DCHS2: variants seen among roughly 807,000 people sequenced by gnomAD.
DCHS2 encodes protocadherin-23.
In DCHS2, 142 loss-of-function variants were observed where a neutral mutation model predicts 182.4. The observed-to-expected ratio is 0.78, with a 90% CI of 0.68 to 0.89. The LOEUF (loss-of-function observed/expected upper bound fraction) is 0.89, where lower values mean the gene tolerates loss of function less well. Among genes scored for constraint, DCHS2 ranks in the 40% least tolerant of loss-of-function variants. The pLI, the probability that DCHS2 is intolerant of heterozygous loss-of-function variation, is 0.00. For synonymous variants in DCHS2, 1,740 were observed against 1,663.3 expected (o/e 1.05, Z -1.12); for missense variants, 4,319 against 4,198.6 (o/e 1.03, Z -0.79).
chr4:154,237,218 A>G, intron 19 of DCHS2, 59 bp from the exon 20 acceptor site: 1 of 1,519,590 alleles, frequency 6.6e-7, no homozygotes, highest in Non-Finnish European at 8.8e-7. Context: ...GATCCATTTA[A>G]TCGGCAGTTG....
At position 154,246,791 on chromosome 4, in the gene DCHS2, A is replaced by G. The variant is rs78970531; in HGVS notation, c.6942-4019T>C. Among the ~76,000 whole-genome samples, 894 of 152,148 alleles carry G rather than the reference A, an allele frequency of 5.9e-3. 7 individuals carry two copies. The highest frequency in any genetic ancestry group is 0.02 in the African/African-American group (848 of 41,574). On this transcript the variant is annotated intron_variant, in intron 16 of 19. Coordinates refer to ENST00000357232, the MANE Select transcript of DCHS2 (RefSeq NM_001358235.2). ...AATTAGAAAATAAAAAAGAAATTTT[A>G]GAAGATTAAAATTCAGGAAATATCT...
intron 9 of DCHS2, among the ~76,000 whole-genome samples, chr4:154,318,217 C>T (rs1024636685): frequency 1.3e-5 from 2 of 150,134 alleles, no homozygotes; most frequent in South Asian, 2.1e-4. Context: ...TATATGCATA[C>T]GTATATATAC....
At chr4:154,476,001 A>G (rs1300755013) in intron 1 of DCHS2, among the ~76,000 whole-genome samples, 1 of 152,170 alleles carries the variant, frequency 6.6e-6, no homozygotes, top group East Asian at 1.9e-4. Context: ...GCTTAAAAGG[A>G]TTGGGAAAGT....
rs747492434 is a variant in DCHS2, at chr4:154,334,936, G to A, written c.2645C>T (p.Thr882Ile). 6 of 1,614,066 alleles carry A rather than the reference G, an allele frequency of 3.7e-6. No homozygotes were observed. The African/African-American group carries it at 6.7e-5, about 18-fold the overall frequency. The change falls in exon 4 of 20, where the codon ACT becomes ATT. Residue 882 changes from threonine (T) to isoleucine (I), a missense_variant. Thr to Ile is a moderately conservative substitution (Grantham distance 89, BLOSUM62 -1). Coordinates refer to ENST00000357232, the MANE Select transcript of DCHS2 (RefSeq NM_001358235.2). ...APAEFERPKY[T>I]FLVYEDVPED... Reference sequence around the variant, plus strand: ...AGGCACATCTTCATAAACTAAGAAAGTGTACTTAGGCCTTTCAAACTCAGC... The same window carrying A: ...AGGCACATCTTCATAAACTAAGAAAATGTACTTAGGCCTTTCAAACTCAGC...
chr4:154,482,220 T>G (rs1372481346), intron 1 of DCHS2, among the ~76,000 whole-genome samples: 1 of 152,236 alleles, frequency 6.6e-6, no homozygotes, highest in African/African-American at 2.4e-5. Context: ...TTTTGATTGA[T>G]TCAACCATTT....
At position 154,234,851 on chromosome 4, in the gene DCHS2, A is replaced by C; in HGVS notation, c.9801T>G (p.Ile3267Met). Residue 3267 changes from isoleucine to methionine, a missense_variant, in exon 20 of 20, where the codon ATT (isoleucine) becomes ATG (methionine). By Grantham distance (10) the Ile-to-Met change is conservative (BLOSUM62 1). Transcript: ENST00000357232. ...AAACAAAAGATTTCTTCTCTTTTGGAATGCCAGGCATATGCAAATGTTCAT... is the reference window on the plus strand; with the variant it reads ...AAACAAAAGATTTCTTCTCTTTTGGCATGCCAGGCATATGCAAATGTTCAT... ...LKDEHLHMPG[I>M]PKEKKSFVFP... 1 of 1,614,112 alleles carries C rather than the reference A, an allele frequency of 6.2e-7. No individual in the cohort carries two copies. Among genetic ancestry groups the C allele is most frequent in the Non-Finnish European group, 8.5e-7 (1 of 1,179,966 alleles).
chr4:154,235,198 T>C lies in DCHS2; in HGVS notation c.9454A>G (p.Met3152Val). Residue 3152 changes from methionine to valine, a missense_variant, in exon 20 of 20, where the codon ATG becomes GTG. Transcript: ENST00000357232. ...LSCLSGETDV[M>V]VTAETAEASQ... is the part of the protein sequence containing the mutation. Reference sequence around the variant, plus strand: ...GCTTCTGCTGTTTCGGCAGTCACCATCACATCAGTTTCCCCAGATAGGCAG... The same window carrying C: ...GCTTCTGCTGTTTCGGCAGTCACCACCACATCAGTTTCCCCAGATAGGCAG... 6.2e-7 allele frequency: 1 copy of C among 1,614,092 alleles called. No individual in the cohort carries two copies. The highest frequency in any genetic ancestry group is 8.5e-7 in the Non-Finnish European group (1 of 1,179,966).
chr4:154,354,231 ATAATT>A (rs560294408), intron 3 of DCHS2, among the ~76,000 whole-genome samples: 3 of 152,332 alleles, frequency 2.0e-5, no homozygotes, highest in South Asian at 4.1e-4. Flanking sequence ...CGGCTTGAAG[ATAATT>A]TAATGTATTC....
In DCHS2 at chr4:154,395,854, TAAG is replaced by T. The variant is rs536056154; in HGVS notation, c.2053-18413_2053-18411del. Among the ~76,000 whole-genome samples, 48 of 152,328 alleles carry T rather than the reference TAAG, an allele frequency of 3.2e-4. 1 individual carries two copies. In the South Asian group the frequency reaches 8.9e-3, roughly 28 times the overall value. On this transcript the variant is annotated intron_variant, in intron 1 of 19. Coordinates refer to ENST00000357232, the MANE Select transcript of DCHS2 (RefSeq NM_001358235.2). Reference sequence around the variant, plus strand: ...AATTATGGTAATAAGAGTTGCTAAGTAAGAAGAGGGAAGAAAACATAAGGTTTA... The same window carrying T: ...AATTATGGTAATAAGAGTTGCTAAGTAAGAGGGAAGAAAACATAAGGTTTA...
intron 3 of DCHS2, among the ~76,000 whole-genome samples, chr4:154,364,908 T>A (rs1007819950): frequency 1.3e-5 from 2 of 152,004 alleles, no homozygotes; most frequent in African/African-American, 4.8e-5. Context: ...AAGAAAAAAA[T>A]TCTTTTTTTT....
At chr4:154,293,216 C>G (rs1474989121) in intron 13 of DCHS2, among the ~76,000 whole-genome samples, 1 of 148,360 alleles carries the variant, frequency 6.7e-6, no homozygotes, top group Non-Finnish European at 1.5e-5. Context: ...TTTTTTTTTT[C>G]TCTGAGACGC....
chr4:154,374,489 A>C (rs1292177543), intron 2 of DCHS2: 4 of 152,248 alleles, frequency 2.6e-5, no homozygotes, highest in African/African-American at 9.6e-5. Context: ...TACTTGAATT[A>C]ATATAAATTC....
rs763406614 is a variant in DCHS2, at chr4:154,236,274, G to A, written c.8378C>T (p.Ala2793Val). The A allele has an allele frequency of 1.2e-6, 2 of 1,614,036 alleles. No homozygotes were observed. Among genetic ancestry groups the A allele is most frequent in the South Asian group, 1.1e-5 (1 of 91,076 alleles). The part of the protein sequence containing the change: ...PISSTICSIN[A>V]LDFDAGPYGE... ...ATACGGACCAGCATCAAAATCCAGA[G>A]CATTTATAGAGCATATGGTAGAGGA... The change falls in exon 20 of 20, where the codon GCT becomes GTT. Residue 2793 changes from alanine to valine, a missense_variant. Transcript: ENST00000357232.
At chr4:154,364,110 T>C (rs1308891956) in intron 3 of DCHS2, among the ~76,000 whole-genome samples, 1 of 152,200 alleles carries the variant, frequency 6.6e-6, no homozygotes, top group Non-Finnish European at 1.5e-5. Flanking sequence ...TCCATATAAA[T>C]TTGGTCTTTG....
chr4:154,377,107 G>C, intron 2 of DCHS2, 146 bp downstream of exon 2: 1 of 690,068 alleles, frequency 1.4e-6, no homozygotes, highest in Non-Finnish European at 2.3e-6. Context: ...CTGGATATTT[G>C]CTTCAAAAAA....
At chr4:154,398,628 G>C (rs1275271381) in intron 1 of DCHS2, among the ~76,000 whole-genome samples, 3 of 152,104 alleles carry the variant, frequency 2.0e-5, no homozygotes, top group Non-Finnish European at 4.4e-5. Flanking sequence ...GAAAATAAAT[G>C]TTATTGAATT....
At chr4:154,444,025 C>T (rs1299204616) in intron 1 of DCHS2, among the ~76,000 whole-genome samples, 2 of 152,128 alleles carry the variant, frequency 1.3e-5, no homozygotes, top group Non-Finnish European at 2.9e-5. Context: ...TGATTCCTCT[C>T]CTCCCTGCCC....
chr4:154,489,792 C>T lies in DCHS2; in HGVS notation c.1564G>A (p.Glu522Lys), dbSNP rs888973019. The T allele has an allele frequency of 6.4e-7, 1 of 1,551,606 alleles. No individual in the cohort carries two copies. Among genetic ancestry groups the T allele is most frequent in the Admixed American group, 2.0e-5 (1 of 51,008 alleles). Residue 522 changes from glutamate to lysine, a missense_variant, in exon 1 of 20, where the codon GAG becomes AAG. Glu to Lys is a moderately conservative substitution (Grantham distance 56). Coordinates refer to ENST00000357232, the MANE Select transcript of DCHS2 (RefSeq NM_001358235.2). Reference sequence around the variant, plus strand: ...GCGACCCGGAGTAGCAGCGTCTCCTCCGTGCTCAGCGGCGGGGACCCCGCG... The same window carrying T: ...GCGACCCGGAGTAGCAGCGTCTCCTTCGTGCTCAGCGGCGGGGACCCCGCG... ...TDAGSPPLST[E>K]ETLLLRVADL...
At position 154,285,916 on chromosome 4, in the gene DCHS2, G is replaced by C. The variant is rs1490062587; in HGVS notation, c.6463+11935C>G. On this transcript the variant is annotated intron_variant, in intron 13 of 19. Transcript: ENST00000357232. The stretch of plus-strand genomic sequence containing the variant: ...CAGTGGTTACTATAGGCCTTCAAGG[G>C]GACCCAGTGCTGTACTGGCTTCAGG... Among the ~76,000 whole-genome samples, 4 of 152,224 alleles carry C rather than the reference G, an allele frequency of 2.6e-5. No homozygotes were observed. In the South Asian group the frequency reaches 8.3e-4, roughly 32 times the overall value.
Sources: gnomAD v4.1 joint callset for allele counts (sites outside exome capture counted in the v4.1 genomes callset) on GRCh38, gnomAD v4.1.1 for gene constraint, MANE v1.5 for transcripts, NCBI Gene and HGNC (gene_info 2026-07-23, HGNC 2026-07-21) for gene names.